The following EFHD1 variants were observed in gnomAD, a reference collection of about 807,000 sequenced individuals.
The protein encoded by EFHD1 is EF-hand domain family member D1, also known as EF-hand domain-containing protein D1.
Under a neutral mutation model 17.2 loss-of-function variants are expected in EFHD1, and 10 were observed. The observed-to-expected ratio is 0.58, with a 90% CI of 0.36 to 0.99. EFHD1 has a LOEUF of 0.99. Among genes scored for constraint, EFHD1 ranks in the 50% least tolerant of loss-of-function variants. EFHD1 has a pLI of 0.01. For synonymous variants in EFHD1, 153 were observed against 142.0 expected (o/e 1.08, Z -0.55); for missense variants, 310 against 327.5 (o/e 0.95, Z 0.41).
At chr2:232,627,152 C>T (rs1470579374) in intron 1 of EFHD1, among the ~76,000 whole-genome samples, 1 of 146,982 alleles carries the variant, frequency 6.8e-6, no homozygotes, top group Non-Finnish European at 1.5e-5. Context: ...GATCACTTAA[C>T]CCCAGGAGTT....
At chr2:232,616,205 G>A (rs894315898) in intron 1 of EFHD1, among the ~76,000 whole-genome samples, 3 of 152,122 alleles carry the variant, frequency 2.0e-5, no homozygotes, top group Admixed American at 6.6e-5. Context: ...CGACAGGGAG[G>A]AAATTCTGAC....
chr2:232,616,449 C>A (rs1693930502), intron 1 of EFHD1, among the ~76,000 whole-genome samples: 1 of 152,142 alleles, frequency 6.6e-6, no homozygotes, highest in South Asian at 2.1e-4. Flanking sequence ...CAGGCACACG[C>A]CACCACACCC....
chr2:232,672,863 C>A (rs987699829), intron 3 of EFHD1, among the ~76,000 whole-genome samples: 3 of 152,238 alleles, frequency 2.0e-5, no homozygotes, highest in Non-Finnish European at 2.9e-5. Flanking sequence ...CATATCCTGG[C>A]CTGCCCAGTC....
At chr2:232,633,357 C>A, upstream of EFHD1, 1 of 668,456 alleles carries the variant, frequency 1.5e-6, no homozygotes, top group Non-Finnish European at 2.0e-6. Flanking sequence ...GCAGCAAGGT[C>A]GGAGTTGATC....
At chr2:232,623,949 C>T (rs541563088) in intron 1 of EFHD1, among the ~76,000 whole-genome samples, 10 of 152,090 alleles carry the variant, frequency 6.6e-5, no homozygotes, top group Admixed American at 2.0e-4. Context: ...AAGAGTTGAC[C>T]GACCAGATGT....
At chr2:232,612,941 C>T (rs1023409478) in intron 1 of EFHD1, among the ~76,000 whole-genome samples, 1 of 151,852 alleles carries the variant, frequency 6.6e-6, no homozygotes, top group Non-Finnish European at 1.5e-5. Flanking sequence ...CCATGTTAGC[C>T]AAGCTGGTCT....
intron 1 of EFHD1, among the ~76,000 whole-genome samples, chr2:232,616,688 A>G (rs927755783): frequency 2.6e-5 from 4 of 152,134 alleles, no homozygotes; most frequent in African/African-American, 9.7e-5. Context: ...GGAATGGGGG[A>G]TGGAGAGTGG....
intron 1 of EFHD1, among the ~76,000 whole-genome samples, chr2:232,621,641 G>C (rs1172957985): frequency 6.6e-6 from 1 of 152,040 alleles, no homozygotes. Flanking sequence ...TAGTAGAGAC[G>C]GGGTTTCACC....
rs368663972 is a variant in EFHD1 at position 232,668,694 on chromosome 2, C to G, written c.451-3615C>G. ...TGTCACCCAGGCTGGAGTGCAATGG[C>G]GCGATCTCGGCTCACTGCAACCTCC... On this transcript the variant is annotated intron_variant, in intron 2 of 3. Transcript: ENST00000264059. Among the ~76,000 whole-genome samples the G allele has an allele frequency of 3.9e-5, 6 of 151,972 alleles. No individual in the cohort carries two copies. The East Asian group carries it at 1.2e-3, about 29-fold the overall frequency.
At chr2:232,681,184 A>T (rs1322314655) in intron 3 of EFHD1, among the ~76,000 whole-genome samples, 2 of 152,010 alleles carry the variant, frequency 1.3e-5, no homozygotes, top group African/African-American at 4.8e-5. Flanking sequence ...AATAAAAAAT[A>T]AAAAAAATAA....
chr2:232,673,802 C>T (rs1275083020), intron 3 of EFHD1, among the ~76,000 whole-genome samples: 1 of 151,914 alleles, frequency 6.6e-6, no homozygotes, highest in East Asian at 1.9e-4. Context: ...GTGGCAGAAT[C>T]TTGGCTCACT....
At chr2:232,613,603 CA>C (rs1693846287) in intron 1 of EFHD1, among the ~76,000 whole-genome samples, 1 of 109,596 alleles carries the variant, frequency 9.1e-6, no homozygotes, top group Non-Finnish European at 1.9e-5. Flanking sequence ...AAAGAGGAAC[CA>C]CACACACACA....
intron 1 of EFHD1, among the ~76,000 whole-genome samples, chr2:232,620,907 T>C (rs1047018960): frequency 8.6e-5 from 13 of 151,958 alleles, no homozygotes; most frequent in Admixed American, 6.6e-4. Context: ...TGGGGAGGTG[T>C]GGACACATCT....
chr2:232,630,684 C>T (rs1694185271), upstream of EFHD1, among the ~76,000 whole-genome samples: 1 of 151,506 alleles, frequency 6.6e-6, no homozygotes, highest in African/African-American at 2.4e-5. Context: ...CGTGGCTCAC[C>T]CCTGTAATCC....
At chr2:232,678,799 CA>C (rs1452436244) in intron 3 of EFHD1, among the ~76,000 whole-genome samples, 5 of 151,658 alleles carry the variant, frequency 3.3e-5, no homozygotes, top group African/African-American at 1.2e-4. Context: ...AACAAACAAA[CA>C]AAAAAGAAAA....
At position 232,620,968 on chromosome 2, in the gene EFHD1, C is replaced by A. The variant is rs116702746; in HGVS notation, c.14+14795C>A. Among the ~76,000 whole-genome samples the A allele has an allele frequency of 5.3e-3, 809 of 152,130 alleles. 7 individuals carry two copies. Among genetic ancestry groups the A allele is most frequent in the African/African-American group, 0.018 (737 of 41,518 alleles). ...GACAGGGTGAGGGAGTGTCGGGGTT[C>A]TCTAAGAGGGAGGGGCACGGATGGC... On this transcript the variant is annotated intron_variant, in intron 1 of 3. Coordinates refer to the EFHD1 transcript ENST00000409613.
upstream of EFHD1, chr2:232,633,082 T>C (rs1239159530): frequency 6.6e-6 from 1 of 152,230 alleles, no homozygotes; most frequent in South Asian, 2.1e-4. Flanking sequence ...TTTGGAAACA[T>C]TTCGTTCCAA....
intron 3 of EFHD1, among the ~76,000 whole-genome samples, chr2:232,674,700 T>C (rs1695139131): frequency 1.3e-5 from 2 of 152,112 alleles, no homozygotes; most frequent in South Asian, 4.1e-4. Flanking sequence ...AACATTTGCA[T>C]GGATGACAAA....
chr2:232,667,540 AATTT>A (rs944462027), intron 2 of EFHD1, among the ~76,000 whole-genome samples: 22 of 150,372 alleles, frequency 1.5e-4, no homozygotes, highest in African/African-American at 4.2e-4. Flanking sequence ...TTAATTAATT[AATTT>A]ATTTATTTAT....
Sources: allele counts gnomAD v4.1 joint callset (sites outside exome capture counted in the v4.1 genomes callset), GRCh38; gene constraint gnomAD v4.1.1; transcripts MANE v1.5; gene names NCBI Gene and HGNC (gene_info 2026-07-23, HGNC 2026-07-21).